Variants in COL19A1 observed in about 807,000 individuals in gnomAD.
The protein encoded by COL19A1 is collagen alpha-1(XIX) chain.
Under a neutral mutation model 190.2 loss-of-function variants are expected in COL19A1, and 159 were observed. That is an observed-to-expected ratio of 0.84 (90% CI 0.73 to 0.95). The LOEUF (loss-of-function observed/expected upper bound fraction) is 0.95, where lower values mean the gene tolerates loss of function less well. COL19A1 is among the 40% of genes least tolerant of loss of function. COL19A1 has a pLI of 0.00. For synonymous variants in COL19A1, 509 were observed against 458.9 expected (o/e 1.11, Z -1.39); for missense variants, 1,418 against 1,431.9 (o/e 0.99, Z 0.16).
At chr6:70,087,503 G>C (rs1782655840) in intron 15 of COL19A1, among the ~76,000 whole-genome samples, 1 of 152,092 alleles carries the variant, frequency 6.6e-6, no homozygotes. Context: ...AGGAAGATGA[G>C]AGGAGGTCAG....
At chr6:70,115,453 A>C (rs1177744321) in intron 16 of COL19A1, among the ~76,000 whole-genome samples, 2 of 152,236 alleles carry the variant, frequency 1.3e-5, no homozygotes, top group Non-Finnish European at 2.9e-5. Flanking sequence ...TTTTAGAATT[A>C]TCCAGAGCTG....
At chr6:69,965,492 G>A (rs944953349) in intron 11 of COL19A1, among the ~76,000 whole-genome samples, 1 of 152,166 alleles carries the variant, frequency 6.6e-6, no homozygotes, top group Non-Finnish European at 1.5e-5. Flanking sequence ...TCCTCAAAGA[G>A]TTGAACACTC....
At chr6:70,081,172 A>T (rs1272756865) in intron 15 of COL19A1, among the ~76,000 whole-genome samples, 2 of 152,136 alleles carry the variant, frequency 1.3e-5, no homozygotes, top group African/African-American at 4.8e-5. Flanking sequence ...GGAATAGATG[A>T]ATTCCCCACA....
intron 49 of COL19A1, among the ~76,000 whole-genome samples, chr6:70,200,439 G>A (rs1278136479): frequency 6.6e-6 from 1 of 152,176 alleles, no homozygotes; most frequent in African/African-American, 2.4e-5. Context: ...CCCAGGCTTA[G>A]AAGAGTCAAC....
rs561550041 is a variant in COL19A1, at chr6:70,090,166, G to C, written c.1225-12003G>C. ...TACTTCAGCCTGGGTGACAGAGCAA[G>C]ACTCTTATCTCAAAAAAAAAAAAGA... On this transcript the variant is annotated intron_variant, in intron 15 of 50. Coordinates refer to ENST00000620364, the MANE Select transcript of COL19A1 (RefSeq NM_001858.6). Among the ~76,000 whole-genome samples, 581 of 143,598 alleles carry C rather than the reference G, an allele frequency of 4.0e-3. 3 individuals are homozygous for C. Among genetic ancestry groups the C allele is most frequent in the African/African-American group, 0.014 (562 of 40,650 alleles). 94.2% of individuals were successfully genotyped at this position (143,598 alleles called of 152,430 possible).
intron 9 of COL19A1, among the ~76,000 whole-genome samples, chr6:69,947,150 A>G (rs895816513): frequency 6.6e-6 from 1 of 151,878 alleles, no homozygotes; most frequent in African/African-American, 2.4e-5. Context: ...CATTTTATAT[A>G]TAATATGGTG....
chr6:69,913,263 T>C (rs1259544593), intron 4 of COL19A1, among the ~76,000 whole-genome samples: 4 of 152,190 alleles, frequency 2.6e-5, no homozygotes, highest in African/African-American at 9.7e-5. Flanking sequence ...TACCTTCAGC[T>C]TTGATGCCAG....
chr6:70,147,380 A>G (rs1327269783), intron 27 of COL19A1, among the ~76,000 whole-genome samples: 1 of 152,162 alleles, frequency 6.6e-6, no homozygotes, highest in Non-Finnish European at 1.5e-5. Context: ...TTTTTAAAGT[A>G]TTTAAACTAT....
chr6:70,061,463 C>T (rs770261901), intron 14 of COL19A1, among the ~76,000 whole-genome samples: 71 of 151,702 alleles, frequency 4.7e-4, no homozygotes, highest in African/African-American at 1.0e-3. Context: ...CTAGGAGGCC[C>T]GTAAGTGATT....
chr6:70,168,559 C>A (rs993511106), intron 39 of COL19A1, 96 bp from the exon 40 acceptor site: 6 of 1,094,304 alleles, frequency 5.5e-6, no homozygotes, highest in South Asian at 1.5e-5. Context: ...TGCTAATATT[C>A]GTATGTGTAT....
intron 16 of COL19A1, among the ~76,000 whole-genome samples, chr6:70,113,842 CTTTTTTT>C (rs34876942): frequency 9.4e-5 from 6 of 64,152 alleles, no homozygotes; most frequent in Admixed American, 2.5e-4. Flanking sequence ...CCAAGTCTTT[CTTTTTTT>C]TTTTTTTTTT....
At chr6:69,978,248 CAT>C (rs1775836424) in intron 11 of COL19A1, among the ~76,000 whole-genome samples, 1 of 151,814 alleles carries the variant, frequency 6.6e-6, no homozygotes, top group African/African-American at 2.4e-5. Context: ...CATATACATA[CAT>C]ATATAGAGAG....
In COL19A1 at chr6:70,207,856, T is replaced by C. The variant is rs968778536; in HGVS notation, c.*582T>C. ...AATAAGAACTTCATTTTACAATTTA[T>C]GTTTTCAAAAAAAAAATGCAGGAAA... On this transcript the variant is annotated 3_prime_UTR_variant, in exon 51 of 51. Coordinates refer to ENST00000620364, the MANE Select transcript of COL19A1 (RefSeq NM_001858.6). The C allele has an allele frequency of 1.9e-4, 29 of 151,940 alleles. No homozygotes were observed. The highest frequency in any genetic ancestry group is 6.7e-4 in the African/African-American group (28 of 41,536). The allele number at this position is 151,940 out of a possible 1,614,324, so 9.4% of individuals were successfully genotyped here. A position where few individuals can be genotyped will look rare whatever the true frequency, so the allele number is the denominator to read the frequency against.
intron 14 of COL19A1, among the ~76,000 whole-genome samples, chr6:70,057,593 T>A: frequency 6.6e-6 from 1 of 152,104 alleles, no homozygotes; most frequent in Non-Finnish European, 1.5e-5. Flanking sequence ...TAATCTCTTC[T>A]GTTCATGTTG....
chr6:69,986,508 T>A (rs1276040802), intron 11 of COL19A1, among the ~76,000 whole-genome samples: 1 of 152,148 alleles, frequency 6.6e-6, no homozygotes, highest in Non-Finnish European at 1.5e-5. Flanking sequence ...AGTCTAGGCA[T>A]GTGCCTTGGG....
intron 18 of COL19A1, among the ~76,000 whole-genome samples, chr6:70,137,223 G>A (rs1402080018): frequency 6.6e-6 from 1 of 152,068 alleles, no homozygotes; most frequent in African/African-American, 2.4e-5. Flanking sequence ...AAACAGCTGA[G>A]AGACTCGTTT....
chr6:70,138,794 C>T (rs1215982034), intron 19 of COL19A1, among the ~76,000 whole-genome samples: 5 of 152,062 alleles, frequency 3.3e-5, no homozygotes, highest in Non-Finnish European at 7.4e-5. Flanking sequence ...GTATTCAGTT[C>T]AAGCCTTCTT....
Position 70,034,315 on chromosome 6 carries a change from G to A in COL19A1, c.1134+17G>A, listed in dbSNP as rs764896183. The A allele has an allele frequency of 2.5e-6, 4 of 1,606,176 alleles. No individual in the cohort carries two copies. The highest frequency in any genetic ancestry group is 1.7e-5 in the Admixed American group (1 of 59,962). On this transcript the variant is annotated intron_variant, in intron 13 of 50. Transcript: ENST00000620364. ...GGAGAAAAGGTATTGTGTTTACCCA[G>A]CCAAGCCCAACCTTTCTTTAAGAAA...
intron 17 of COL19A1, among the ~76,000 whole-genome samples, chr6:70,128,474 G>A (rs1259820228): frequency 6.6e-6 from 1 of 152,194 alleles, no homozygotes; most frequent in African/African-American, 2.4e-5. Flanking sequence ...AGTGACAAGT[G>A]TAGCAAGAAG....
Sources: gnomAD v4.1 joint callset for allele counts (sites outside exome capture counted in the v4.1 genomes callset) on GRCh38, gnomAD v4.1.1 for gene constraint, MANE v1.5 for transcripts, NCBI Gene and HGNC (gene_info 2026-07-23, HGNC 2026-07-21) for gene names.